Variants in PTPRS observed in about 807,000 individuals in gnomAD.
The protein encoded by PTPRS is protein tyrosine phosphatase receptor type S.
PTPRS carries 63 observed loss-of-function variants against 215.3 expected under a neutral mutation model. That is an observed-to-expected ratio of 0.29 (90% CI 0.24 to 0.36). The LOEUF is 0.36. Ranked by LOEUF, PTPRS falls within the 10% of genes least tolerant of loss-of-function variation. PTPRS has a pLI of 1.00. For synonymous variants in PTPRS, 1,404 were observed against 1,191.4 expected (o/e 1.18, Z -3.68); for missense variants, 2,258 against 2,825.8 (o/e 0.80, Z 4.56).
chr19:5,314,658 T>C (rs1453162129), intron 1 of PTPRS, among the ~76,000 whole-genome samples: 1 of 152,140 alleles, frequency 6.6e-6, no homozygotes, highest in African/African-American at 2.4e-5. Flanking sequence ...CCAAAGTGCC[T>C]GGGATTACAG....
At chr19:5,253,523 C>T (rs1269695907) in intron 9 of PTPRS, among the ~76,000 whole-genome samples, 1 of 152,132 alleles carries the variant, frequency 6.6e-6, no homozygotes, top group African/African-American at 2.4e-5. Flanking sequence ...TTTGTTGTCC[C>T]TTTCTGTGGC....
chr19:5,206,975 C>G (rs1011413006), intron 37 of PTPRS, 133 bp from the exon 38 acceptor site: 8 of 729,594 alleles, frequency 1.1e-5, no homozygotes, highest in Non-Finnish European at 1.9e-5. Flanking sequence ...TTGGCCCCCA[C>G]GGCCCTCCCA....
intron 1 of PTPRS, among the ~76,000 whole-genome samples, chr19:5,289,127 T>A (rs2048603927): frequency 6.6e-6 from 1 of 151,896 alleles, no homozygotes. Flanking sequence ...TAGGTGCCAA[T>A]CCTCCCTAGG....
chr19:5,332,845 C>T (rs537955609), intron 1 of PTPRS, among the ~76,000 whole-genome samples: 125 of 152,338 alleles, frequency 8.2e-4, no homozygotes, highest in African/African-American at 2.5e-3. Context: ...GAACTCTGAC[C>T]GCACATCTAA....
At chr19:5,208,469 C>G in intron 35 of PTPRS, 78 bp from the exon 36 acceptor site, 1 of 1,315,150 alleles carries the variant, frequency 7.6e-7, no homozygotes, top group South Asian at 1.8e-5. Flanking sequence ...CCTATCTTCA[C>G]CCCCATTTTT....
At chr19:5,240,519 C>T in intron 11 of PTPRS, among the ~76,000 whole-genome samples, 187 bp from the exon 12 acceptor site, 1 of 152,192 alleles carries the variant, frequency 6.6e-6, no homozygotes, top group South Asian at 2.1e-4. Flanking sequence ...ATCCTCTCTT[C>T]TTCCAAAGGA....
At chr19:5,296,894 T>C (rs1466885622) in intron 1 of PTPRS, among the ~76,000 whole-genome samples, 3 of 151,880 alleles carry the variant, frequency 2.0e-5, no homozygotes, top group Admixed American at 6.6e-5. Context: ...GAGGGCAGAC[T>C]GTGGGGGATG....
At chr19:5,234,914 G>A (rs1403417253) in intron 13 of PTPRS, among the ~76,000 whole-genome samples, 1 of 151,920 alleles carries the variant, frequency 6.6e-6, no homozygotes, top group East Asian at 1.9e-4. Flanking sequence ...GGGCCTTACG[G>A]AATGTTAATA....
intron 10 of PTPRS, 35 bp downstream of exon 10, chr19:5,245,741 C>T (rs1372099186): frequency 2.0e-6 from 3 of 1,534,244 alleles, no homozygotes; most frequent in Non-Finnish European, 2.6e-6. Flanking sequence ...CTCCAGCCTG[C>T]CCCTCCACCT....
At chr19:5,215,617 G>T in intron 26 of PTPRS, 22 bp from the exon 27 acceptor site, 1 of 1,560,966 alleles carries the variant, frequency 6.4e-7, no homozygotes. Flanking sequence ...AGCAGACCCC[G>T]CCGGGGTTGG....
In PTPRS at chr19:5,244,217, G is replaced by C; in HGVS notation, c.1254C>G (p.Val418=). The stretch of plus-strand genomic sequence containing the variant: ...CCGGGGCCTGCTCGCCTGTGCGGGT[G>C]ACCACGGACTCGCTGGGGGGCCCCT... The part of the protein sequence containing the change: ...IGQGPPSESV[V]TRTGEQAPAS... The change falls in exon 11 of 38, where the codon GTC becomes GTG. Residue 418 remains valine, a synonymous_variant. Transcript: ENST00000262963. This position sits in a 1 kb window ranked among gnomAD's most constrained non-coding sequence, Gnocchi z 7.2. 6.2e-7 allele frequency: 1 copy of C among 1,609,508 alleles called. No individual in the cohort carries two copies. Among genetic ancestry groups the C allele is most frequent in the Non-Finnish European group, 8.5e-7 (1 of 1,177,530 alleles).
At chr19:5,273,295 C>G (rs1310563021) in intron 4 of PTPRS, 147 bp downstream of exon 4, 2 of 1,103,414 alleles carry the variant, frequency 1.8e-6, no homozygotes, top group Non-Finnish European at 2.7e-6. Context: ...GGCCCTGAGA[C>G]TGTTACTGGT....
intron 1 of PTPRS, among the ~76,000 whole-genome samples, chr19:5,307,068 G>A (rs141895944): frequency 4.8e-4 from 73 of 152,342 alleles, no homozygotes; most frequent in African/African-American, 1.7e-3. Flanking sequence ...ACTTTGGGAG[G>A]CTGAGGCAGG....
intron 36 of PTPRS, 46 bp from the exon 37 acceptor site, chr19:5,208,103 G>A (rs780367081): frequency 3.1e-6 from 5 of 1,598,716 alleles, no homozygotes; most frequent in Non-Finnish European, 4.3e-6. Context: ...CAGGTGCTGG[G>A]GAGCCCTGAT....
At chr19:5,283,339 G>C (rs2048034729) in intron 2 of PTPRS, among the ~76,000 whole-genome samples, 1 of 152,196 alleles carries the variant, frequency 6.6e-6, no homozygotes, top group Non-Finnish European at 1.5e-5. Context: ...CACTCTGGGA[G>C]ACCGAGGTGG....
At chr19:5,336,320 G>A (rs925964178) in intron 1 of PTPRS, among the ~76,000 whole-genome samples, 1 of 151,132 alleles carries the variant, frequency 6.6e-6, no homozygotes, top group Non-Finnish European at 1.5e-5. Flanking sequence ...CAGGGTTAGA[G>A]AGACCCAGGT....
chr19:5,221,747 ACT>A (rs1259049023), intron 19 of PTPRS, among the ~76,000 whole-genome samples: 1 of 151,516 alleles, frequency 6.6e-6, no homozygotes, highest in Non-Finnish European at 1.5e-5. Flanking sequence ...CTAAGTACCA[ACT>A]CTGAGTCCCA....
In PTPRS at chr19:5,286,247, T is replaced by C; in HGVS notation, c.-94-13A>G. 8.0e-7 allele frequency: 1 copy of C among 1,250,704 alleles called. No homozygotes were observed. The highest frequency in any genetic ancestry group is 1.1e-6 in the Non-Finnish European group (1 of 879,426). 77.5% of individuals were successfully genotyped at this position (1,250,704 alleles called of 1,614,324 possible). A position where few individuals can be genotyped will look rare whatever the true frequency, so the allele number is the denominator to read the frequency against. ...GATGGGGCAACGTCTGCAGAGACAA[T>C]GGAGGGCTGTGAGAGGCGAGTGGGG... On this transcript the variant is annotated splice_polypyrimidine_tract_variant and intron_variant, in intron 1 of 37. Transcript: ENST00000262963.
rs201173883 is a variant in PTPRS, at chr19:5,333,346, T to TA, written c.-95+7317dup. Among the ~76,000 whole-genome samples, 1,219 of 150,238 alleles carry TA rather than the reference T, an allele frequency of 8.1e-3. 7 individuals are homozygous for TA. The highest frequency in any genetic ancestry group is 0.028 in the African/African-American group (1,146 of 40,940). On this transcript the variant is annotated intron_variant, in intron 1 of 37. Coordinates refer to ENST00000262963, the MANE Select transcript of PTPRS (RefSeq NM_002850.4). ...TAAATAATAATAATAATAATAATAA[T>TA]AATACAAAAGTCAGCTGGGCGTGCT...
Sources: gnomAD v4.1 joint callset for allele counts (sites outside exome capture counted in the v4.1 genomes callset) on GRCh38, gnomAD v4.1.1 for gene constraint, Gnocchi (gnomAD v3.1) non-coding constraint, MANE v1.5 for transcripts, NCBI Gene and HGNC (gene_info 2026-07-23, HGNC 2026-07-21) for gene names.